EFTUD2: variants seen among roughly 807,000 people sequenced by gnomAD.
EFTUD2 encodes the protein elongation factor Tu GTP binding domain containing 2, also known as 116 kDa U5 small nuclear ribonucleoprotein component.
EFTUD2 carries 9 observed loss-of-function variants against 114.3 expected under a neutral mutation model. The ratio of observed to expected loss-of-function variants is 0.08; its 90% CI spans 0.05 to 0.14. EFTUD2 has a LOEUF of 0.14. Among genes scored for constraint, EFTUD2 ranks in the 10% least tolerant of loss-of-function variants. The pLI is 1.00. For missense variants in EFTUD2, 765 were observed against 1,241.2 expected (o/e 0.62, Z 5.76); for synonymous variants, 449 against 462.3 (o/e 0.97, Z 0.37).
chr17:44,854,859 C>G lies in EFTUD2; in HGVS notation c.2132+59G>C. 1.3e-6 allele frequency: 2 copies of G among 1,581,296 alleles called. No individual in the cohort carries two copies. Among genetic ancestry groups the G allele is most frequent in the Non-Finnish European group, 1.7e-6 (2 of 1,150,774 alleles). On this transcript the variant is annotated intron_variant, in intron 21 of 27. Transcript: ENST00000426333. The surrounding 1 kb of genome is among the most constrained non-coding windows in gnomAD (Gnocchi z 4.3). ...AAGATGTGTGCTCTTAGAGACCCGG[C>G]AGTTAAACTGTGGCATCCCTGCCTC... is the stretch of plus-strand genomic sequence containing the variant.
intron 9 of EFTUD2, among the ~76,000 whole-genome samples, chr17:44,877,067 ATACC>A (rs2050973372): frequency 6.6e-6 from 1 of 151,460 alleles, no homozygotes; most frequent in Non-Finnish European, 1.5e-5. Context: ...ATGTTGGCAC[ATACC>A]TGTAGTCCCA....
At chr17:44,878,371 T>C (rs2051007172) in intron 9 of EFTUD2, among the ~76,000 whole-genome samples, 1 of 152,188 alleles carries the variant, frequency 6.6e-6, no homozygotes, top group Non-Finnish European at 1.5e-5. Flanking sequence ...AGTGTCAATG[T>C]CATAAAAGAC....
In EFTUD2 at chr17:44,862,827, C is replaced by G; in HGVS notation, c.1493G>C (p.Ser498Thr). The change falls in exon 16 of 28, where the codon AGT (serine) becomes ACT (threonine). Residue 498 changes from serine (S) to threonine (T), a missense_variant. Around this residue, in one of 6 missense-constraint regions of EFTUD2, gnomAD observed 149 missense variants for 245.1 expected, o/e 0.61. Transcript: ENST00000426333. ...VQFHAFGRVLSGTIHAGQPVK... is the reference protein window; with the variant it reads ...VQFHAFGRVLTGTIHAGQPVK... ...AGGCTGCCCAGCATGAATGGTGCCACTCAGCACCCGGCCAAAGGCGTGAAA... is the reference window on the plus strand; with the variant it reads ...AGGCTGCCCAGCATGAATGGTGCCAGTCAGCACCCGGCCAAAGGCGTGAAA... 1 of 1,614,194 alleles carries G rather than the reference C, an allele frequency of 6.2e-7. No homozygotes were observed. Among genetic ancestry groups the G allele is most frequent in the Non-Finnish European group, 8.5e-7 (1 of 1,180,032 alleles).
At position 44,854,486 on chromosome 17, in the gene EFTUD2, G is replaced by T; in HGVS notation, c.2259+70C>A. The T allele has an allele frequency of 6.3e-7, 1 of 1,583,532 alleles. No homozygotes were observed. Among genetic ancestry groups the T allele is most frequent in the Non-Finnish European group, 8.6e-7 (1 of 1,162,450 alleles). Reference sequence around the variant, plus strand: ...AGGACACAAGATACTTTTGGGAAAAGAACACTTTGTAGTTTCTTCCACTCC... The same window carrying T: ...AGGACACAAGATACTTTTGGGAAAATAACACTTTGTAGTTTCTTCCACTCC... On this transcript the variant is annotated intron_variant, in intron 22 of 27. Coordinates refer to ENST00000426333, the MANE Select transcript of EFTUD2 (RefSeq NM_004247.4). The surrounding 1 kb of genome is among the most constrained non-coding windows in gnomAD (Gnocchi z 4.3).
intron 10 of EFTUD2, among the ~76,000 whole-genome samples, chr17:44,875,097 G>A (rs1007154835): frequency 6.6e-6 from 1 of 151,972 alleles, no homozygotes; most frequent in African/African-American, 2.4e-5. Flanking sequence ...TGGGTGCAGC[G>A]GCTCAAATCT....
intron 9 of EFTUD2, 95 bp from the exon 10 acceptor site, chr17:44,876,195 C>T (rs2050945749): frequency 3.5e-6 from 5 of 1,418,600 alleles, no homozygotes; most frequent in Non-Finnish European, 4.7e-6. Flanking sequence ...AACCATGAAG[C>T]CTGGGGAGAA....
intron 10 of EFTUD2, among the ~76,000 whole-genome samples, chr17:44,874,096 C>T (rs1597809010): frequency 7.2e-6 from 1 of 139,364 alleles, no homozygotes; most frequent in East Asian, 2.2e-4. Context: ...CATTGGAGTA[C>T]AACAGCACAA....
chr17:44,886,736 G>T lies in EFTUD2; in HGVS notation c.120C>A (p.Asp40Glu). Residue 40 changes from aspartate to glutamate, a missense_variant, in exon 3 of 28, where the codon GAC (aspartate) becomes GAA (glutamate). Transcript: ENST00000426333. ...CATGATCTCCTACGTCATCGTCGTC[G>T]TCATCATCATCCATCTGAAAGCAAG... The part of the protein sequence containing the change: ...TKDLDEMDDD[D>E]DDDDVGDHDD... The T allele has an allele frequency of 6.2e-7, 1 of 1,613,436 alleles. No homozygotes were observed. The highest frequency in any genetic ancestry group is 2.2e-5 in the East Asian group (1 of 44,876).
intron 5 of EFTUD2, 177 bp downstream of exon 5, chr17:44,883,472 T>G: frequency 1.5e-6 from 1 of 657,054 alleles, no homozygotes; most frequent in Non-Finnish European, 2.7e-6. Context: ...AGGCTCCACC[T>G]GCTGCTTGGG....
In EFTUD2 at chr17:44,864,910, GGCCACGA is replaced by G. The variant is rs1227951925; in HGVS notation, c.1285+13_1285+19del. The G allele has an allele frequency of 6.2e-7, 1 of 1,612,414 alleles. No homozygotes were observed. On this transcript the variant is annotated intron_variant, in intron 14 of 27. Coordinates refer to ENST00000426333, the MANE Select transcript of EFTUD2 (RefSeq NM_004247.4). ...GGGCACGAGGATGACAGAGTTAAGG[GGCCACGA>G]GCACATTATTACCTGTGAACTCGCC...
chr17:44,893,420 C>T (rs1272931478), intron 2 of EFTUD2, among the ~76,000 whole-genome samples: 1 of 152,202 alleles, frequency 6.6e-6, no homozygotes, highest in Admixed American at 6.5e-5. Context: ...CACGCCCGGG[C>T]CCTTTCTATT....
chr17:44,860,075 C>T, intron 17 of EFTUD2, 30 bp from the exon 18 acceptor site: 1 of 1,614,110 alleles, frequency 6.2e-7, no homozygotes, highest in South Asian at 1.1e-5. Flanking sequence ...GGACTGAGGG[C>T]AACTGGCATG....
At chr17:44,871,773 C>T (rs1018228107) in intron 11 of EFTUD2, among the ~76,000 whole-genome samples, 2 of 152,170 alleles carry the variant, frequency 1.3e-5, no homozygotes, top group Non-Finnish European at 2.9e-5. Context: ...TGAGACATCT[C>T]ACGGAGCCTG....
chr17:44,871,555 G>A (rs1220720190), intron 11 of EFTUD2, among the ~76,000 whole-genome samples: 1 of 150,450 alleles, frequency 6.6e-6, no homozygotes, highest in Admixed American at 6.6e-5. Context: ...TAGCCAGGAT[G>A]GTCTTGATCT....
intron 25 of EFTUD2, among the ~76,000 whole-genome samples, chr17:44,853,088 G>A (rs991862994): frequency 2.0e-5 from 3 of 152,126 alleles, no homozygotes; most frequent in African/African-American, 7.2e-5. Context: ...CACTGTGTTA[G>A]CCAGGATGGA....
chr17:44,854,552 G>A lies in EFTUD2; in HGVS notation c.2259+4C>T, dbSNP rs1232066263. On this transcript the variant is annotated splice_donor_region_variant and intron_variant, in intron 22 of 27. Coordinates refer to ENST00000426333, the MANE Select transcript of EFTUD2 (RefSeq NM_004247.4). The surrounding 1 kb of genome is among the most constrained non-coding windows in gnomAD (Gnocchi z 4.3). ...CCACCCAGTTCCCATCAGTTCTGCT[G>A]TACCTCAGAGGGCAGAGTATCATCC... 1 of 1,613,408 alleles carries A rather than the reference G, an allele frequency of 6.2e-7. No individual in the cohort carries two copies. Among genetic ancestry groups the A allele is most frequent in the South Asian group, 1.1e-5 (1 of 90,998 alleles).
chr17:44,879,892 C>T (rs1185436502), intron 8 of EFTUD2, among the ~76,000 whole-genome samples: 1 of 152,072 alleles, frequency 6.6e-6, no homozygotes, highest in Non-Finnish European at 1.5e-5. Context: ...AGTCCACACA[C>T]ACAGACCAGC....
chr17:44,850,865 C>T lies in EFTUD2; in HGVS notation c.*409G>A. The T allele has an allele frequency of 4.2e-6, 1 of 235,748 alleles. No homozygotes were observed. Among genetic ancestry groups the T allele is most frequent in the Non-Finnish European group, 8.4e-6 (1 of 118,564 alleles). The allele number at this position is 235,748 out of a possible 1,614,324, so 14.6% of individuals were successfully genotyped here. A position where few individuals can be genotyped will look rare whatever the true frequency, so the allele number is the denominator to read the frequency against. On this transcript the variant is annotated 3_prime_UTR_variant, in exon 28 of 28. Coordinates refer to ENST00000426333, the MANE Select transcript of EFTUD2 (RefSeq NM_004247.4). ...ATGACATATATTCAGAATGTAAGCA[C>T]CAGACGGGGCAGGGGAGACGAGGAT...
intron 2 of EFTUD2, chr17:44,892,361 C>A (rs2051294649): frequency 6.6e-6 from 1 of 152,168 alleles, no homozygotes; most frequent in African/African-American, 2.4e-5. Flanking sequence ...CAAGACCAAA[C>A]ACAGATGCCT....
Sources: gnomAD v4.1 joint callset for allele counts (sites outside exome capture counted in the v4.1 genomes callset) on GRCh38, gnomAD v4.1.1 for gene constraint, gnomAD v4.1.1 regional missense constraint, Gnocchi (gnomAD v3.1) non-coding constraint, MANE v1.5 for transcripts, NCBI Gene and HGNC (gene_info 2026-07-23, HGNC 2026-07-21) for gene names.